B4GALNT3: variants seen among roughly 807,000 people sequenced by gnomAD.
B4GALNT3 encodes the protein beta-1,4-N-acetyl-galactosaminyltransferase 3.
In B4GALNT3, 86 loss-of-function variants were observed where a neutral mutation model predicts 120.2. The ratio of observed to expected loss-of-function variants is 0.72; its 90% CI spans 0.60 to 0.86. B4GALNT3 has a LOEUF of 0.86. Among genes scored for constraint, B4GALNT3 ranks in the 40% least tolerant of loss-of-function variants. B4GALNT3 has a pLI of 0.00. For missense variants in B4GALNT3, 1,167 were observed against 1,298.9 expected (o/e 0.90, Z 1.56); for synonymous variants, 518 against 510.4 (o/e 1.01, Z -0.20).
intron 1 of B4GALNT3, among the ~76,000 whole-genome samples, chr12:509,017 A>G (rs1946522577): frequency 6.6e-6 from 1 of 152,164 alleles, no homozygotes; most frequent in Non-Finnish European, 1.5e-5. Flanking sequence ...AGTGGTGGAG[A>G]TACACTCTAC....
chr12:559,899 A>G (rs1010693951), intron 19 of B4GALNT3, among the ~76,000 whole-genome samples: 1 of 152,082 alleles, frequency 6.6e-6, no homozygotes, highest in African/African-American at 2.4e-5. Flanking sequence ...GGGCAAGAGG[A>G]CATCCAGGAG....
At chr12:511,616 TTCCACCTTC>T (rs2120579021) in intron 1 of B4GALNT3, among the ~76,000 whole-genome samples, 1 of 137,936 alleles carries the variant, frequency 7.2e-6, no homozygotes, top group Non-Finnish European at 1.5e-5. Flanking sequence ...TTCGACCTTC[TTCCACCTTC>T]GACCTTCCAC....
intron 1 of B4GALNT3, among the ~76,000 whole-genome samples, chr12:463,038 A>G (rs567306909): frequency 5.9e-5 from 9 of 152,270 alleles, no homozygotes; most frequent in Non-Finnish European, 7.4e-5. Flanking sequence ...TCTGGCCTCA[A>G]CCACAGCAAC....
chr12:537,138 C>G (rs1187706001), intron 3 of B4GALNT3, among the ~76,000 whole-genome samples: 1 of 152,154 alleles, frequency 6.6e-6, no homozygotes, highest in Non-Finnish European at 1.5e-5. Flanking sequence ...AACTAGTGCT[C>G]GAGGATCCAT....
At chr12:484,742 G>A (rs215229) in intron 1 of B4GALNT3, among the ~76,000 whole-genome samples, 64,228 of 150,968 alleles carry the variant, frequency 0.43, 14,182 homozygotes, top group South Asian at 0.58. Context: ...TCAGGAAATG[G>A]GAAAAGAAAC....
intron 1 of B4GALNT3, among the ~76,000 whole-genome samples, chr12:497,412 G>A (rs1487970213): frequency 6.6e-6 from 1 of 152,164 alleles, no homozygotes; most frequent in African/African-American, 2.4e-5. Context: ...CAAAGTGCTG[G>A]GATTACAGGC....
chr12:493,114 C>A (rs1438933879), intron 1 of B4GALNT3, among the ~76,000 whole-genome samples: 2 of 152,158 alleles, frequency 1.3e-5, no homozygotes, highest in Non-Finnish European at 2.9e-5. Context: ...AATGTAAAAT[C>A]TGTTCTGCAA....
At chr12:514,345 C>A (rs1382351139) in intron 1 of B4GALNT3, among the ~76,000 whole-genome samples, 1 of 152,002 alleles carries the variant, frequency 6.6e-6, no homozygotes, top group Non-Finnish European at 1.5e-5. Flanking sequence ...CTACAGGTGC[C>A]CGCCACCACG....
intron 6 of B4GALNT3, among the ~76,000 whole-genome samples, chr12:545,812 G>A (rs1315074928): frequency 5.1e-5 from 5 of 97,454 alleles, no homozygotes; most frequent in African/African-American, 9.4e-5. Flanking sequence ...AGCGAGGAGT[G>A]GGGAGGAGCG....
At chr12:555,251 C>A (rs893675723) in intron 14 of B4GALNT3, 1 of 418,082 alleles carries the variant, frequency 2.4e-6, no homozygotes, top group Non-Finnish European at 4.8e-6. Flanking sequence ...CCTCCTCCTA[C>A]CCCCAGTAGT....
intron 7 of B4GALNT3, 170 bp downstream of exon 7, chr12:546,883 C>T (rs1947014454): frequency 4.7e-6 from 3 of 636,556 alleles, no homozygotes; most frequent in South Asian, 1.9e-5. Context: ...CATCCGTCCT[C>T]GTTTCACAGA....
rs575723366 is a variant in B4GALNT3, at chr12:473,227, C to T, written c.169+12682C>T. Among the ~76,000 whole-genome samples, 10 of 122,998 alleles carry T rather than the reference C, an allele frequency of 8.1e-5. No homozygotes were observed. In the South Asian group the frequency reaches 3.0e-3, roughly 37 times the overall value. The allele number at this position is 122,998 out of a possible 152,430, so 80.7% of individuals were successfully genotyped here. ...AAGCAATCCTCTTTCCTCAGCCTCC[C>T]AAAGTGCTGAGATTACAGGCGTGAG... is the stretch of plus-strand genomic sequence containing the variant. On this transcript the variant is annotated intron_variant, in intron 1 of 19. Transcript: ENST00000266383.
intron 1 of B4GALNT3, among the ~76,000 whole-genome samples, chr12:525,095 T>C (rs979096740): frequency 4.0e-5 from 6 of 151,204 alleles, no homozygotes; most frequent in Non-Finnish European, 5.9e-5. Context: ...ATTTTATTTA[T>C]TTATTTATTT....
chr12:531,001 G>A (rs1453420420), intron 1 of B4GALNT3, among the ~76,000 whole-genome samples: 3 of 152,210 alleles, frequency 2.0e-5, no homozygotes, highest in African/African-American at 7.2e-5. Flanking sequence ...GGCAGCTGGT[G>A]CTCTGGGAGA....
intron 19 of B4GALNT3, 44 bp from the exon 20 acceptor site, chr12:561,299 C>A: frequency 6.6e-7 from 1 of 1,520,732 alleles, no homozygotes; most frequent in Non-Finnish European, 9.1e-7. Context: ...CCCCCAGCTG[C>A]CTTCTGTGCT....
intron 18 of B4GALNT3, 100 bp downstream of exon 18, chr12:558,761 C>T: frequency 9.4e-6 from 12 of 1,277,958 alleles, no homozygotes; most frequent in Non-Finnish European, 1.3e-5. Flanking sequence ...TCAGCATCCT[C>T]CTCCCCTGCC....
Position 548,132 on chromosome 12 carries a change from A to G in B4GALNT3, c.786+30A>G, listed in dbSNP as rs763009118. On this transcript the variant is annotated intron_variant, in intron 8 of 19. Coordinates refer to ENST00000266383, the MANE Select transcript of B4GALNT3 (RefSeq NM_173593.4). This position sits in a 1 kb window ranked among gnomAD's most constrained non-coding sequence, Gnocchi z 4.9. ...GTTTCCTGCTGCTCCCGCCTCTCCC[A>G]GCTCAGTTCCTGGCACTCATCTCCC... The G allele has an allele frequency of 8.1e-6, 13 of 1,611,668 alleles. No homozygotes were observed. The East Asian group carries it at 2.2e-4, about 28-fold the overall frequency.
intron 1 of B4GALNT3, among the ~76,000 whole-genome samples, chr12:477,504 C>T (rs1019718963): frequency 5.3e-5 from 8 of 152,160 alleles, no homozygotes; most frequent in African/African-American, 1.7e-4. Flanking sequence ...TCACATTGCA[C>T]GAGAAAGGCC....
intron 1 of B4GALNT3, among the ~76,000 whole-genome samples, chr12:501,994 C>T (rs149836072): frequency 6.6e-6 from 1 of 152,320 alleles, no homozygotes; most frequent in Non-Finnish European, 1.5e-5. Context: ...CTTCCCCTCG[C>T]CCTTTATTGC....
Sources: gnomAD v4.1 joint callset for allele counts (sites outside exome capture counted in the v4.1 genomes callset) on GRCh38, gnomAD v4.1.1 for gene constraint, Gnocchi (gnomAD v3.1) non-coding constraint, MANE v1.5 for transcripts, NCBI Gene and HGNC (gene_info 2026-07-23, HGNC 2026-07-21) for gene names.